NRGN: variants seen among roughly 807,000 people sequenced by gnomAD.
NRGN encodes neurogranin, also known as calmodulin-binding protein.
For missense variants in NRGN, 82 were observed against 123.0 expected (o/e 0.67, Z 1.58); for synonymous variants, 47 against 52.8 (o/e 0.89, Z 0.47).
At position 124,745,040 on chromosome 11, in the gene NRGN, G is replaced by A. The variant is rs1943997053; in HGVS notation, c.16-463G>A. The A allele has an allele frequency of 6.5e-6, 1 of 154,976 alleles. No homozygotes were observed. The highest frequency in any genetic ancestry group is 6.5e-5 in the Admixed American group (1 of 15,330). 9.6% of individuals were successfully genotyped at this position (154,976 alleles called of 1,614,324 possible). On this transcript the variant is annotated intron_variant, in intron 1 of 3. Transcript: ENST00000284292. This position sits in a 1 kb window ranked among gnomAD's most constrained non-coding sequence, Gnocchi z 6.4. ...CTTTCTGCATTTCTACTGGGGAGAG[G>A]GCTGGCGGACTGAGGCTTCTCCATC...
intron 1 of NRGN, among the ~76,000 whole-genome samples, chr11:124,744,148 A>G (rs965652554): frequency 2.0e-5 from 3 of 152,158 alleles, no homozygotes; most frequent in Non-Finnish European, 4.4e-5. Context: ...AGAAGCAGAA[A>G]CCTAGTTTGG....
In NRGN at chr11:124,740,011, C is replaced by G; in HGVS notation, c.-74C>G. 7 of 699,708 alleles carry G rather than the reference C, an allele frequency of 1.0e-5. No homozygotes were observed. In the South Asian group the frequency reaches 1.8e-4, roughly 18 times the overall value. 43.3% of individuals were successfully genotyped at this position (699,708 alleles called of 1,614,324 possible). ...TGGCGGCCGACTGCCCCAGAGCCCC[C>G]ACCCGGCACCACACAGACCCCACCC... is the stretch of plus-strand genomic sequence containing the variant. On this transcript the variant is annotated 5_prime_UTR_variant, in exon 1 of 4. Transcript: ENST00000284292. The surrounding 1 kb of genome is among the most constrained non-coding windows in gnomAD (Gnocchi z 7.5).
At position 124,746,799 on chromosome 11, in the gene NRGN, C is replaced by A. The variant is rs534587988; in HGVS notation, c.*419C>A. 6.6e-6 allele frequency: 1 copy of A among 152,490 alleles called. No homozygotes were observed. The highest frequency in any genetic ancestry group is 1.9e-4 in the East Asian group (1 of 5,200). The allele number at this position is 152,490 out of a possible 1,614,324, so 9.4% of individuals were successfully genotyped here. A position where few individuals can be genotyped will look rare whatever the true frequency, so the allele number is the denominator to read the frequency against. On this transcript the variant is annotated 3_prime_UTR_variant, in exon 4 of 4. Transcript: ENST00000284292. ...TAAAGAAAAAACGAGTTCTTTCGTT[C>A]TGTGCGCAGCTAAAAGGGGCGCCCT...
chr11:124,740,455 C>T lies in NRGN; in HGVS notation c.15+356C>T, dbSNP rs1943958076. 6.6e-6 allele frequency among the ~76,000 whole-genome samples: 1 copy of T among 152,154 alleles called. No homozygotes were observed. The highest frequency in any genetic ancestry group is 2.4e-5 in the African/African-American group (1 of 41,440). On this transcript the variant is annotated intron_variant, in intron 1 of 3. Coordinates refer to ENST00000284292, the MANE Select transcript of NRGN (RefSeq NM_006176.3). The surrounding 1 kb of genome is among the most constrained non-coding windows in gnomAD (Gnocchi z 7.5). ...CAACCATCGCCTGGAGACACTGCAG[C>T]GACTCCTTCCTCCCGTCTTTCGGCC...
At position 124,740,000 on chromosome 11, in the gene NRGN, C is replaced by A; in HGVS notation, c.-85C>A. 1 of 598,864 alleles carries A rather than the reference C, an allele frequency of 1.7e-6. No individual in the cohort carries two copies. Among genetic ancestry groups the A allele is most frequent in the South Asian group, 3.9e-5 (1 of 25,386 alleles). 37.1% of individuals were successfully genotyped at this position (598,864 alleles called of 1,614,324 possible). On this transcript the variant is annotated 5_prime_UTR_variant, in exon 1 of 4. Transcript: ENST00000284292. Reference sequence around the variant, plus strand: ...CGCGGGTCGGCTGGCGGCCGACTGCCCCAGAGCCCCCACCCGGCACCACAC... The same window carrying A: ...CGCGGGTCGGCTGGCGGCCGACTGCACCAGAGCCCCCACCCGGCACCACAC...
chr11:124,746,599 C>T lies in NRGN; in HGVS notation c.*219C>T, dbSNP rs1324863947. 6.6e-6 allele frequency: 1 copy of T among 152,630 alleles called. No individual in the cohort carries two copies. Among genetic ancestry groups the T allele is most frequent in the African/African-American group, 2.4e-5 (1 of 41,404 alleles). 9.5% of individuals were successfully genotyped at this position (152,630 alleles called of 1,614,324 possible). A position where few individuals can be genotyped will look rare whatever the true frequency, so the allele number is the denominator to read the frequency against. ...AGTTAGTTCTGCAGTCTAGTATGGT[C>T]CCCATTTGCCCTTCCACTCCACCCC... is the stretch of plus-strand genomic sequence containing the variant. On this transcript the variant is annotated 3_prime_UTR_variant, in exon 4 of 4. Coordinates refer to ENST00000284292, the MANE Select transcript of NRGN (RefSeq NM_006176.3).
intron 1 of NRGN, among the ~76,000 whole-genome samples, chr11:124,743,750 C>A (rs1320996820): frequency 6.6e-6 from 1 of 152,056 alleles, no homozygotes; most frequent in African/African-American, 2.4e-5. Context: ...TCACTGAAGC[C>A]TTCCTCATAT....
At position 124,740,185 on chromosome 11, in the gene NRGN, T is replaced by A; in HGVS notation, c.15+86T>A. The stretch of plus-strand genomic sequence containing the variant: ...AAAGCCCTGGAGGGCGAGAGAGGGA[T>A]GGAAGTGGATGCGGAAGACCTAGGA... On this transcript the variant is annotated intron_variant, in intron 1 of 3. Coordinates refer to ENST00000284292, the MANE Select transcript of NRGN (RefSeq NM_006176.3). This position sits in a 1 kb window ranked among gnomAD's most constrained non-coding sequence, Gnocchi z 7.5. 1.0e-6 allele frequency: 1 copy of A among 989,162 alleles called. No individual in the cohort carries two copies. The highest frequency in any genetic ancestry group is 1.3e-6 in the Non-Finnish European group (1 of 745,304). The allele number at this position is 989,162 out of a possible 1,614,324, so 61.3% of individuals were successfully genotyped here. A position where few individuals can be genotyped will look rare whatever the true frequency, so the allele number is the denominator to read the frequency against.
intron 1 of NRGN, chr11:124,744,685 A>AAAACACCG (rs1943994455): frequency 6.6e-6 from 1 of 152,246 alleles, no homozygotes; most frequent in Non-Finnish European, 1.5e-5. Flanking sequence ...TAATGCCTGT[A>AAAACACCG]AAACACCGTT....
chr11:124,745,850 A>G lies in NRGN; in HGVS notation c.*6-115A>G, dbSNP rs533238773. ...CGTGGAGGGAGCTAAGGGTTGGGGGATAGAAATCCGAGATGGGAGGTGGGT... is the reference window on the plus strand; with the variant it reads ...CGTGGAGGGAGCTAAGGGTTGGGGGGTAGAAATCCGAGATGGGAGGTGGGT... On this transcript the variant is annotated intron_variant, in intron 2 of 3. Transcript: ENST00000284292. This position sits in a 1 kb window ranked among gnomAD's most constrained non-coding sequence, Gnocchi z 6.4. 4.0e-4 allele frequency: 186 copies of G among 467,510 alleles called. No homozygotes were observed. The Middle Eastern group carries it at 4.2e-3, about 11-fold the overall frequency. 29.0% of individuals were successfully genotyped at this position (467,510 alleles called of 1,614,324 possible).
At chr11:124,742,112 CTG>C (rs1227225328) in intron 1 of NRGN, among the ~76,000 whole-genome samples, 1 of 152,034 alleles carries the variant, frequency 6.6e-6, no homozygotes, top group East Asian at 1.9e-4. Context: ...CATTATCAGA[CTG>C]TGCAGGAGGG....
intron 1 of NRGN, among the ~76,000 whole-genome samples, chr11:124,744,260 T>C (rs1219603578): frequency 6.6e-6 from 1 of 152,260 alleles, no homozygotes. Flanking sequence ...ATTAACTTAA[T>C]GTTATTTTTA....
chr11:124,744,172 G>A (rs2134445944), intron 1 of NRGN, among the ~76,000 whole-genome samples: 1 of 152,296 alleles, frequency 6.6e-6, no homozygotes, highest in Middle Eastern at 3.4e-3. Context: ...ATAGAGGTGG[G>A]CCTGATTATT....
intron 1 of NRGN, among the ~76,000 whole-genome samples, chr11:124,743,902 G>GAAAAAAAAAAAAAAAAAAAAAAAAA (rs56291708): frequency 1.5e-5 from 2 of 134,934 alleles, no homozygotes; most frequent in African/African-American, 2.9e-5. Context: ...TTCATGAAAA[G>GAAAAAAAAAAAAAAAAAAAAAAAAA]AAAAAAAAAA....
At position 124,745,856 on chromosome 11, in the gene NRGN, A is replaced by C; in HGVS notation, c.*6-109A>C. 2.3e-6 allele frequency: 1 copy of C among 439,376 alleles called. No individual in the cohort carries two copies. 27.2% of individuals were successfully genotyped at this position (439,376 alleles called of 1,614,324 possible). A position where few individuals can be genotyped will look rare whatever the true frequency, so the allele number is the denominator to read the frequency against. On this transcript the variant is annotated intron_variant, in intron 2 of 3. Coordinates refer to ENST00000284292, the MANE Select transcript of NRGN (RefSeq NM_006176.3). The surrounding 1 kb of genome is among the most constrained non-coding windows in gnomAD (Gnocchi z 6.4). The stretch of plus-strand genomic sequence containing the variant: ...GGGAGCTAAGGGTTGGGGGATAGAA[A>C]TCCGAGATGGGAGGTGGGTGGGAAG...
rs563993734 is a variant in NRGN at position 124,740,658 on chromosome 11, C to T, written c.15+559C>T. Among the ~76,000 whole-genome samples, 5 of 152,374 alleles carry T rather than the reference C, an allele frequency of 3.3e-5. No homozygotes were observed. Among genetic ancestry groups the T allele is most frequent in the East Asian group, 1.9e-4 (1 of 5,192 alleles). On this transcript the variant is annotated intron_variant, in intron 1 of 3. Transcript: ENST00000284292. The surrounding 1 kb of genome is among the most constrained non-coding windows in gnomAD (Gnocchi z 7.5). ...GGGTGGTTCTGGGGAGGGGTTGTCC[C>T]GGCCCCCAAGGCCTTCTCGCTCGGA...
chr11:124,740,021 C>A lies in NRGN; in HGVS notation c.-64C>A, dbSNP rs1383471005. Reference sequence around the variant, plus strand: ...CTGCCCCAGAGCCCCCACCCGGCACCACACAGACCCCACCCCCGCCCTGCG... The same window carrying A: ...CTGCCCCAGAGCCCCCACCCGGCACAACACAGACCCCACCCCCGCCCTGCG... On this transcript the variant is annotated 5_prime_UTR_variant, in exon 1 of 4. Transcript: ENST00000284292. This position sits in a 1 kb window ranked among gnomAD's most constrained non-coding sequence, Gnocchi z 7.5. 2 of 929,988 alleles carry A rather than the reference C, an allele frequency of 2.2e-6. No individual in the cohort carries two copies. Among genetic ancestry groups the A allele is most frequent in the Admixed American group, 4.2e-5 (1 of 23,732 alleles). The allele number at this position is 929,988 out of a possible 1,614,324, so 57.6% of individuals were successfully genotyped here. A position where few individuals can be genotyped will look rare whatever the true frequency, so the allele number is the denominator to read the frequency against.
chr11:124,740,546 C>T lies in NRGN; in HGVS notation c.15+447C>T, dbSNP rs956656714. 2.6e-5 allele frequency among the ~76,000 whole-genome samples: 4 copies of T among 152,232 alleles called. No homozygotes were observed. The highest frequency in any genetic ancestry group is 9.6e-5 in the African/African-American group (4 of 41,466). On this transcript the variant is annotated intron_variant, in intron 1 of 3. Transcript: ENST00000284292. The surrounding 1 kb of genome is among the most constrained non-coding windows in gnomAD (Gnocchi z 7.5). ...CGGACAGGCTGATCCTCATGACCCT[C>T]CAACGATCGCCTAAGCGCCCTGTGC... is the stretch of plus-strand genomic sequence containing the variant.
In NRGN at chr11:124,747,001, G is replaced by A. The variant is rs554114488; in HGVS notation, c.*621G>A. ...TTTCCCCAGCGCACTGTTGAGGGCA[G>A]CCTCTCCAGCTCTCTTGTTTATGCA... On this transcript the variant is annotated 3_prime_UTR_variant, in exon 4 of 4. Coordinates refer to ENST00000284292, the MANE Select transcript of NRGN (RefSeq NM_006176.3). The A allele has an allele frequency of 3.9e-5, 6 of 153,176 alleles. No individual in the cohort carries two copies. Among genetic ancestry groups the A allele is most frequent in the African/African-American group, 1.4e-4 (6 of 41,554 alleles). 9.5% of individuals were successfully genotyped at this position (153,176 alleles called of 1,614,324 possible). A position where few individuals can be genotyped will look rare whatever the true frequency, so the allele number is the denominator to read the frequency against.
Sources: gnomAD v4.1 joint callset for allele counts (sites outside exome capture counted in the v4.1 genomes callset) on GRCh38, gnomAD v4.1.1 for gene constraint, Gnocchi (gnomAD v3.1) non-coding constraint, MANE v1.5 for transcripts, NCBI Gene and HGNC (gene_info 2026-07-23, HGNC 2026-07-21) for gene names.